MARCHF8: variants seen among roughly 807,000 people sequenced by gnomAD.
MARCHF8 encodes the protein E3 ubiquitin-protein ligase MARCHF8.
A neutral mutation model predicts 51.6 loss-of-function variants in MARCHF8; 40 were observed. That is an observed-to-expected ratio of 0.77 (90% CI 0.60 to 1.01). The LOEUF is 1.01. Among genes scored for constraint, MARCHF8 ranks in the 50% least tolerant of loss-of-function variants. MARCHF8 has a pLI of 0.00. For synonymous variants in MARCHF8, 263 were observed against 280.3 expected, an observed-to-expected ratio of 0.94 and a Z score of 0.62; for missense variants, 685 against 708.6, an observed-to-expected ratio of 0.97 and a Z score of 0.38.
chr10:45,514,427 C>T (rs1162863773), intron 2 of MARCHF8, among the ~76,000 whole-genome samples: 1 of 152,262 alleles, frequency 6.6e-6, no homozygotes. Flanking sequence ...GGGGAACAGG[C>T]GCTGCCTGCA....
chr10:45,579,944 C>G (rs1429795747), intron 1 of MARCHF8, among the ~76,000 whole-genome samples: 1 of 123,308 alleles, frequency 8.1e-6, no homozygotes, highest in Admixed American at 1.1e-4. Context: ...ACTCGGGAGG[C>G]GGAGGTTGCA....
chr10:45,530,757 A>C (rs930148552), intron 2 of MARCHF8, among the ~76,000 whole-genome samples: 1 of 152,340 alleles, frequency 6.6e-6, no homozygotes, highest in South Asian at 2.1e-4. Context: ...TGGGCAACAG[A>C]GCAAGATCTG....
chr10:45,584,545 T>C (rs1225378417), intron 1 of MARCHF8, among the ~76,000 whole-genome samples: 1 of 152,060 alleles, frequency 6.6e-6, no homozygotes, highest in Admixed American at 6.5e-5. Context: ...CTAAGGTAAA[T>C]GCATACTGGT....
chr10:45,472,000 G>A (rs2042700024), intron 3 of MARCHF8, among the ~76,000 whole-genome samples: 2 of 152,212 alleles, frequency 1.3e-5, no homozygotes, highest in South Asian at 2.1e-4. Context: ...TACTCATCTG[G>A]CCAGCCCTGG....
intron 2 of MARCHF8, among the ~76,000 whole-genome samples, chr10:45,528,496 G>T (rs561744246): frequency 6.6e-6 from 1 of 152,242 alleles, no homozygotes; most frequent in South Asian, 2.1e-4. Flanking sequence ...GTCTCACTCT[G>T]TTACCCAGGC....
chr10:45,538,955 G>C (rs866961601), upstream of MARCHF8, among the ~76,000 whole-genome samples: 13 of 152,146 alleles, frequency 8.5e-5, no homozygotes, highest in South Asian at 2.1e-4. Flanking sequence ...ACTCAGCTCT[G>C]CACCAAGCGG....
intron 3 of MARCHF8, among the ~76,000 whole-genome samples, chr10:45,466,904 G>A (rs528212309): frequency 3.9e-5 from 6 of 152,274 alleles, no homozygotes; most frequent in East Asian, 1.9e-4. Context: ...GCAGAGCCTC[G>A]TAACAAAACA....
At chr10:45,476,055 C>T (rs1047078568) in intron 3 of MARCHF8, among the ~76,000 whole-genome samples, 1 of 152,192 alleles carries the variant, frequency 6.6e-6, no homozygotes, top group African/African-American at 2.4e-5. Flanking sequence ...ACCATAGACA[C>T]ACCCTCAGGA....
At chr10:45,575,862 A>G (rs964775675) in intron 1 of MARCHF8, among the ~76,000 whole-genome samples, 1 of 152,100 alleles carries the variant, frequency 6.6e-6, no homozygotes, top group African/African-American at 2.4e-5. Flanking sequence ...CTCCTGGCTC[A>G]TCCTGGCTCG....
chr10:45,577,457 G>A (rs1270485265), intron 1 of MARCHF8, among the ~76,000 whole-genome samples: 1 of 152,078 alleles, frequency 6.6e-6, no homozygotes, highest in South Asian at 2.1e-4. Context: ...TTGCATGCCT[G>A]TATCAAAATA....
intron 1 of MARCHF8, among the ~76,000 whole-genome samples, chr10:45,564,718 A>G (rs2044345702): frequency 6.6e-6 from 1 of 152,122 alleles, no homozygotes; most frequent in South Asian, 2.1e-4. Context: ...CCAAAAGGAG[A>G]AAAATATTGA....
intron 1 of MARCHF8, among the ~76,000 whole-genome samples, chr10:45,574,541 C>T (rs886427124): frequency 3.9e-5 from 6 of 152,174 alleles, no homozygotes; most frequent in African/African-American, 1.4e-4. Flanking sequence ...CCATCAGGCT[C>T]AGCAAATTAC....
intron 1 of MARCHF8, among the ~76,000 whole-genome samples, chr10:45,547,968 C>T (rs2044147711): frequency 6.6e-6 from 1 of 152,214 alleles, no homozygotes; most frequent in Admixed American, 6.5e-5. Flanking sequence ...TTTGAGTTCA[C>T]TTGCAAATTT....
chr10:45,497,851 T>A (rs894080544), intron 2 of MARCHF8, among the ~76,000 whole-genome samples: 1 of 152,144 alleles, frequency 6.6e-6, no homozygotes, highest in Non-Finnish European at 1.5e-5. Context: ...GAAAACGCAG[T>A]CATATGTAAG....
At chr10:45,539,179 C>G (rs2044016460), upstream of MARCHF8, among the ~76,000 whole-genome samples, 1 of 152,206 alleles carries the variant, frequency 6.6e-6, no homozygotes, top group Non-Finnish European at 1.5e-5. Flanking sequence ...CAAAACCACT[C>G]AACTACATGG....
chr10:45,508,000 T>C (rs1201775020), intron 2 of MARCHF8, among the ~76,000 whole-genome samples: 5 of 152,264 alleles, frequency 3.3e-5, no homozygotes, highest in African/African-American at 1.2e-4. Flanking sequence ...TTTACCAAAA[T>C]AGTTTTCTGT....
intron 1 of MARCHF8, among the ~76,000 whole-genome samples, chr10:45,571,791 C>T (rs778084957): frequency 7.2e-5 from 11 of 152,158 alleles, no homozygotes; most frequent in African/African-American, 1.4e-4. Flanking sequence ...TCAATCTTCG[C>T]GCCACACTTC....
chr10:45,459,201 T>A lies in MARCHF8; in HGVS notation c.1336A>T (p.Ile446Phe). 1 of 1,614,120 alleles carries A rather than the reference T, an allele frequency of 6.2e-7. No homozygotes were observed. Among genetic ancestry groups the A allele is most frequent in the Non-Finnish European group, 8.5e-7 (1 of 1,180,012 alleles). The change falls in exon 7 of 8, where the codon ATT becomes TTT. Residue 446 changes from isoleucine to phenylalanine, a missense_variant. Ile to Phe is a conservative substitution (Grantham distance 21). Transcript: ENST00000453424. ...GACCAGACCACACATGTGATGGCAA[T>A]GACGTGGAATGTCACTGAGCACATG... is the stretch of plus-strand genomic sequence containing the variant. ...KIMCSVTFHV[I>F]AITCVVWSLY...
chr10:45,570,891 C>A (rs553033667), intron 1 of MARCHF8, among the ~76,000 whole-genome samples: 14 of 152,088 alleles, frequency 9.2e-5, no homozygotes, highest in Non-Finnish European at 1.9e-4. Flanking sequence ...GATATGGAAG[C>A]CCCATATACT....
Sources: gnomAD v4.1 joint callset for allele counts (sites outside exome capture counted in the v4.1 genomes callset) on GRCh38, gnomAD v4.1.1 for gene constraint, MANE v1.5 for transcripts, NCBI Gene and HGNC (gene_info 2026-07-23, HGNC 2026-07-21) for gene names.